Variants in CHCHD3 observed in about 807,000 individuals in gnomAD.
The protein encoded by CHCHD3 is coiled-coil-helix-coiled-coil-helix domain containing 3.
In CHCHD3, 20 loss-of-function variants were observed where a neutral mutation model predicts 38.2. The observed-to-expected ratio is 0.52, with a 90% confidence interval of 0.37 to 0.76. CHCHD3 has a LOEUF of 0.76. Among genes scored for constraint, CHCHD3 ranks in the 30% least tolerant of loss-of-function variants. The probability of loss-of-function intolerance (pLI) is 0.00; values close to 1 mark genes in which losing one functional copy is unlikely to be tolerated. For synonymous variants in CHCHD3, 82 were observed against 100.0 expected, an observed-to-expected ratio of 0.82 and a Z score of 1.07; for missense variants, 245 against 279.2, an observed-to-expected ratio of 0.88 and a Z score of 0.87.
intron 4 of CHCHD3, among the ~76,000 whole-genome samples, chr7:132,891,476 T>G (rs1194550278): frequency 6.6e-6 from 1 of 152,212 alleles, no homozygotes; most frequent in Non-Finnish European, 1.5e-5. Flanking sequence ...AAGCCCATTC[T>G]TCCAATAGAC....
At chr7:132,960,109 G>C (rs535447893) in intron 4 of CHCHD3, among the ~76,000 whole-genome samples, 1 of 152,152 alleles carries the variant, frequency 6.6e-6, no homozygotes, top group African/African-American at 2.4e-5. Context: ...AAAGATTTCT[G>C]TCAGGGTGAA....
chr7:132,918,848 A>T (rs1319447900), intron 4 of CHCHD3, among the ~76,000 whole-genome samples: 1 of 152,126 alleles, frequency 6.6e-6, no homozygotes, highest in South Asian at 2.1e-4. Context: ...CTACTGGCAA[A>T]TAGGTGAATA....
chr7:132,936,494 T>G (rs1471576738), intron 4 of CHCHD3, among the ~76,000 whole-genome samples: 1 of 152,144 alleles, frequency 6.6e-6, no homozygotes, highest in Non-Finnish European at 1.5e-5. Flanking sequence ...CAAATTAAAT[T>G]TTCACACCAG....
chr7:132,815,489 CA>C (rs965575139), intron 6 of CHCHD3: 9 of 450,418 alleles, frequency 2.0e-5, no homozygotes, highest in African/African-American at 1.8e-4. Context: ...TAGGTCCCTG[CA>C]AATGCCAGTC....
chr7:132,948,385 T>C (rs189415516), intron 4 of CHCHD3, among the ~76,000 whole-genome samples: 1 of 151,924 alleles, frequency 6.6e-6, no homozygotes, highest in Non-Finnish European at 1.5e-5. Flanking sequence ...AAGAAAATGG[T>C]GGAAGAGTGA....
At chr7:132,894,484 T>G (rs1809444300) in intron 4 of CHCHD3, among the ~76,000 whole-genome samples, 1 of 152,208 alleles carries the variant, frequency 6.6e-6, no homozygotes, top group South Asian at 2.1e-4. Flanking sequence ...TTCTCCTACT[T>G]TTGCAGCTAA....
At chr7:132,898,481 C>A (rs915828224) in intron 4 of CHCHD3, among the ~76,000 whole-genome samples, 14 of 152,232 alleles carry the variant, frequency 9.2e-5, no homozygotes, top group Non-Finnish European at 2.1e-4. Flanking sequence ...CATTCACAAA[C>A]CCTGAGCTAG....
chr7:132,999,011 A>T (rs1328626665), intron 3 of CHCHD3, among the ~76,000 whole-genome samples: 3 of 152,174 alleles, frequency 2.0e-5, no homozygotes, highest in Non-Finnish European at 4.4e-5. Context: ...GAATGTTAGC[A>T]TTTTAAAAAT....
intron 4 of CHCHD3, among the ~76,000 whole-genome samples, chr7:132,955,501 C>G (rs1811140504): frequency 6.7e-6 from 1 of 149,424 alleles, no homozygotes; most frequent in South Asian, 2.1e-4. Flanking sequence ...AAACACCAGT[C>G]TAGCTGGGGT....
chr7:133,003,440 A>G (rs143704336), intron 3 of CHCHD3, among the ~76,000 whole-genome samples: 10 of 152,340 alleles, frequency 6.6e-5, no homozygotes, highest in African/African-American at 2.4e-4. Flanking sequence ...AGCAAACAAG[A>G]ATAACAAATG....
At position 133,006,199 on chromosome 7, in the gene CHCHD3, C is replaced by T. The variant is rs568036181; in HGVS notation, c.251+18347G>A. ...AATGAAAATAGGCCGGGCGCAGTGG[C>T]TCACGCCTGTAATCCCAGCAGTTTG... On this transcript the variant is annotated intron_variant, in intron 3 of 7. Coordinates refer to ENST00000262570, the MANE Select transcript of CHCHD3 (RefSeq NM_017812.4). 4.5e-4 allele frequency among the ~76,000 whole-genome samples: 68 copies of T among 152,304 alleles called. No individual in the cohort carries two copies. In the South Asian group the frequency reaches 5.2e-3, roughly 12 times the overall value.
intron 2 of CHCHD3, among the ~76,000 whole-genome samples, chr7:133,062,334 G>A (rs1814540943): frequency 1.3e-5 from 2 of 152,276 alleles, no homozygotes; most frequent in East Asian, 3.9e-4. Context: ...TACAACAAAT[G>A]TATGAAATTT....
intron 6 of CHCHD3, among the ~76,000 whole-genome samples, chr7:132,804,876 C>T (rs2117041750): frequency 6.6e-6 from 1 of 152,218 alleles, no homozygotes; most frequent in South Asian, 2.1e-4. Flanking sequence ...TGTCAGAGTG[C>T]TAAAAATGAA....
intron 4 of CHCHD3, chr7:132,974,145 G>A: frequency 4.8e-6 from 3 of 623,212 alleles, no homozygotes; most frequent in Non-Finnish European, 7.1e-6. Flanking sequence ...AAATGTTCAT[G>A]AGGCTTAACA....
intron 4 of CHCHD3, among the ~76,000 whole-genome samples, chr7:132,910,161 T>C (rs1328825660): frequency 6.6e-6 from 1 of 152,196 alleles, no homozygotes; most frequent in Non-Finnish European, 1.5e-5. Context: ...TGCACAGATT[T>C]GGATATATTA....
At chr7:133,053,075 T>A (rs1814214496) in intron 2 of CHCHD3, among the ~76,000 whole-genome samples, 1 of 152,190 alleles carries the variant, frequency 6.6e-6, no homozygotes, top group African/African-American at 2.4e-5. Context: ...TTCCTCCAAA[T>A]TCACACGGCA....
At chr7:132,821,513 A>G (rs1365593345) in intron 6 of CHCHD3, among the ~76,000 whole-genome samples, 1 of 152,176 alleles carries the variant, frequency 6.6e-6, no homozygotes, top group Non-Finnish European at 1.5e-5. Context: ...TAATAAACTT[A>G]AAAAGAAATC....
intron 4 of CHCHD3, among the ~76,000 whole-genome samples, chr7:132,889,100 A>G (rs890864502): frequency 1.3e-5 from 2 of 152,138 alleles, no homozygotes; most frequent in African/African-American, 4.8e-5. Context: ...ATGGAAATGT[A>G]GCACTGAGGG....
chr7:132,984,784 C>T (rs1383274040), intron 3 of CHCHD3, among the ~76,000 whole-genome samples: 3 of 145,918 alleles, frequency 2.1e-5, no homozygotes, highest in South Asian at 2.2e-4. Flanking sequence ...CCCCTCCGCC[C>T]GGCAGCCACT....
Sources: gnomAD v4.1 joint callset for allele counts (sites outside exome capture counted in the v4.1 genomes callset) on GRCh38, gnomAD v4.1.1 for gene constraint, MANE v1.5 for transcripts, NCBI Gene and HGNC (gene_info 2026-07-23, HGNC 2026-07-21) for gene names.